TNKS: variants seen among roughly 807,000 people sequenced by gnomAD.
TNKS encodes the protein tankyrase.
In TNKS, 72 loss-of-function variants were observed where a neutral mutation model predicts 135.8. The ratio of observed to expected loss-of-function variants is 0.53; its 90% CI spans 0.44 to 0.64. TNKS has a LOEUF of 0.64. TNKS is among the 30% of genes least tolerant of loss of function. The probability of loss-of-function intolerance (pLI) is 0.00; values close to 1 mark genes in which losing one functional copy is unlikely to be tolerated. For missense variants in TNKS, 1,769 were observed against 1,674.0 expected (o/e 1.06, Z -0.99); for synonymous variants, 849 against 649.3 (o/e 1.31, Z -4.68).
rs764448612 is a variant in TNKS, at chr8:9,735,486, G to T, written c.2643G>T (p.Gly881=). 1.2e-6 allele frequency: 2 copies of T among 1,611,326 alleles called. No homozygotes were observed. Among genetic ancestry groups the T allele is most frequent in the East Asian group, 2.2e-5 (1 of 44,856 alleles). ...CTCTTCATAATGCGGCATCTTATGG[G>T]GTAAGCATACTAACATTAAAATCTA... ...LIPLHNAASY[G]HVDIAALLIK... The change falls in exon 17 of 27, where the codon GGG becomes GGT. Residue 881 remains glycine, a splice_region_variant and synonymous_variant. Transcript: ENST00000310430.
At chr8:9,715,404 A>G (rs1044257485) in intron 11 of TNKS, among the ~76,000 whole-genome samples, 13 of 152,170 alleles carry the variant, frequency 8.5e-5, no homozygotes, top group South Asian at 4.2e-4. Flanking sequence ...GGACAAGGCA[A>G]AGGAGAGGTT....
chr8:9,698,989 T>C (rs10090588), intron 5 of TNKS, among the ~76,000 whole-genome samples: 111,547 of 151,734 alleles, frequency 0.74, 41,173 homozygotes, highest in Middle Eastern at 0.82. Context: ...TTTGTATTTG[T>C]GTCTGTTCCA....
At chr8:9,770,040 C>G (rs796557795) in intron 25 of TNKS, 66 bp from the exon 26 acceptor site, 5 of 1,433,294 alleles carry the variant, frequency 3.5e-6, no homozygotes, top group South Asian at 1.4e-5. Context: ...ATTAATAGAT[C>G]TAGCAGTTAT....
chr8:9,579,396 A>G (rs1715274479), intron 1 of TNKS, among the ~76,000 whole-genome samples: 1 of 152,072 alleles, frequency 6.6e-6, no homozygotes, highest in Non-Finnish European at 1.5e-5. Flanking sequence ...ATTCATCCCC[A>G]ATTTCCCTAA....
At chr8:9,634,268 T>A (rs1161730050) in intron 3 of TNKS, among the ~76,000 whole-genome samples, 1 of 151,798 alleles carries the variant, frequency 6.6e-6, no homozygotes, top group African/African-American at 2.4e-5. Context: ...GTGCTACATA[T>A]TAAAAAATAA....
In TNKS at chr8:9,665,516, G is replaced by T. The variant is rs368667275; in HGVS notation, c.995-14435G>T. 3.3e-5 allele frequency among the ~76,000 whole-genome samples: 5 copies of T among 152,218 alleles called. No homozygotes were observed. The East Asian group carries it at 7.7e-4, about 23-fold the overall frequency. On this transcript the variant is annotated intron_variant, in intron 3 of 26. Transcript: ENST00000310430. ...CTTTGGTCCCTTGTCCAGGACTTCA[G>T]AGTCACTAGAAATGGTCTGTATTTC...
chr8:9,619,835 A>G (rs748975250), intron 3 of TNKS, among the ~76,000 whole-genome samples: 1 of 149,122 alleles, frequency 6.7e-6, no homozygotes, highest in Non-Finnish European at 1.5e-5. Context: ...TGCCCTTCAG[A>G]TAAGACCAAC....
intron 3 of TNKS, among the ~76,000 whole-genome samples, chr8:9,637,550 G>C (rs868284675): frequency 1.3e-5 from 2 of 151,890 alleles, no homozygotes; most frequent in South Asian, 2.1e-4. Flanking sequence ...GCTTATGATG[G>C]GACATAAAAA....
At chr8:9,657,578 C>T (rs1418823512) in intron 3 of TNKS, among the ~76,000 whole-genome samples, 29 of 85,742 alleles carry the variant, frequency 3.4e-4, no homozygotes, top group African/African-American at 1.2e-3. Flanking sequence ...ACCTCCCAGA[C>T]GGGGCGGCTG....
In TNKS at chr8:9,751,516, G is replaced by GA. The variant is rs1276344628; in HGVS notation, c.2833-87dup. ...AGGTGATAATGAGGCATTCATTAAGGAAAAAATCCACAAAGTATTTGGTTA... is the reference window on the plus strand; with the variant it reads ...AGGTGATAATGAGGCATTCATTAAGGAAAAAAATCCACAAAGTATTTGGTTA... On this transcript the variant is annotated intron_variant, in intron 18 of 26. Transcript: ENST00000310430. 4.0e-5 allele frequency: 49 copies of GA among 1,212,432 alleles called. No homozygotes were observed. In the East Asian group the frequency reaches 9.3e-4, roughly 23 times the overall value. 75.1% of individuals were successfully genotyped at this position (1,212,432 alleles called of 1,614,324 possible). A position where few individuals can be genotyped will look rare whatever the true frequency, so the allele number is the denominator to read the frequency against.
intron 1 of TNKS, among the ~76,000 whole-genome samples, chr8:9,576,667 T>C (rs1224036041): frequency 6.6e-6 from 1 of 151,836 alleles, no homozygotes; most frequent in Non-Finnish European, 1.5e-5. Flanking sequence ...TGTGACCCAA[T>C]CACTTCCCAC....
chr8:9,560,675 C>T (rs1408394104), intron 1 of TNKS, among the ~76,000 whole-genome samples: 1 of 151,520 alleles, frequency 6.6e-6, no homozygotes, highest in Middle Eastern at 3.2e-3. Context: ...CTGGCAAGAT[C>T]CTTTATATTA....
At position 9,694,434 on chromosome 8, in the gene TNKS, A is replaced by G. The variant is rs190591069; in HGVS notation, c.1108-10229A>G. On this transcript the variant is annotated intron_variant, in intron 5 of 26. Transcript: ENST00000310430. Reference sequence around the variant, plus strand: ...ATGTGTAAGAGTAAAAGATCGTGGCAAGTGTTTTCAGGACCAGTCTTTTTT... The same window carrying G: ...ATGTGTAAGAGTAAAAGATCGTGGCGAGTGTTTTCAGGACCAGTCTTTTTT... 5.0e-4 allele frequency among the ~76,000 whole-genome samples: 76 copies of G among 152,282 alleles called. No individual in the cohort carries two copies. The East Asian group carries it at 0.013, about 25-fold the overall frequency.
At chr8:9,660,824 A>G (rs555840426) in intron 3 of TNKS, among the ~76,000 whole-genome samples, 1 of 152,174 alleles carries the variant, frequency 6.6e-6, no homozygotes. Flanking sequence ...ACATGATTGT[A>G]TATCTAGAAA....
chr8:9,692,284 G>C (rs551942377), intron 5 of TNKS, among the ~76,000 whole-genome samples: 2 of 152,282 alleles, frequency 1.3e-5, no homozygotes, highest in East Asian at 3.9e-4. Context: ...TTATAAGTGA[G>C]AACCTGTGTT....
chr8:9,766,169 A>G (rs1199143265), intron 24 of TNKS, 70 bp from the exon 25 acceptor site: 5 of 1,321,208 alleles, frequency 3.8e-6, no homozygotes, highest in Non-Finnish European at 5.2e-6. Context: ...GCCCGATGCA[A>G]ATAGTGTGCA....
chr8:9,751,997 C>A, intron 19 of TNKS, 151 bp downstream of exon 19: 1 of 710,858 alleles, frequency 1.4e-6, no homozygotes, highest in Non-Finnish European at 2.3e-6. Context: ...AATATTTCTT[C>A]ATAGAAGGCT....
At chr8:9,776,432 G>A (rs960425580) in intron 26 of TNKS, among the ~76,000 whole-genome samples, 1 of 152,172 alleles carries the variant, frequency 6.6e-6, no homozygotes, top group African/African-American at 2.4e-5. Flanking sequence ...GACAGTATTC[G>A]AAGTAGAAAT....
intron 2 of TNKS, among the ~76,000 whole-genome samples, chr8:9,613,158 G>C (rs1799523580): frequency 6.6e-6 from 1 of 152,188 alleles, no homozygotes; most frequent in South Asian, 2.1e-4. Flanking sequence ...AGTTGAGACA[G>C]AGACCAAATA....
Sources: gnomAD v4.1 joint callset for allele counts (sites outside exome capture counted in the v4.1 genomes callset) on GRCh38, gnomAD v4.1.1 for gene constraint, MANE v1.5 for transcripts, NCBI Gene and HGNC (gene_info 2026-07-23, HGNC 2026-07-21) for gene names.